NDRG1: variants seen among roughly 807,000 people sequenced by gnomAD.
NDRG1 encodes N-myc downstream regulated 1.
In NDRG1, 32 loss-of-function variants were observed where a neutral mutation model predicts 56.9. The ratio of observed to expected loss-of-function variants is 0.56; its 90% CI spans 0.42 to 0.76. NDRG1 has a LOEUF of 0.76. Among genes scored for constraint, NDRG1 ranks in the 30% least tolerant of loss-of-function variants. The pLI is 0.00. For synonymous variants in NDRG1, 211 were observed against 204.1 expected (o/e 1.03, Z -0.29); for missense variants, 507 against 545.7 (o/e 0.93, Z 0.71).
intron 3 of NDRG1, chr8:133,264,985 G>A (rs1856844764): frequency 2.6e-6 from 1 of 382,512 alleles, no homozygotes; most frequent in Non-Finnish European, 5.0e-6. Flanking sequence ...GCGCTTCCTT[G>A]CTTCCTTGCC....
rs1280673690 is a variant in NDRG1 at position 133,254,779 on chromosome 8, C to T, written c.538-184G>A. 7 of 656,222 alleles carry T rather than the reference C, an allele frequency of 1.1e-5. No individual in the cohort carries two copies. In the African/African-American group the frequency reaches 1.1e-4, roughly 10 times the overall value. The allele number at this position is 656,222 out of a possible 1,614,324, so 40.6% of individuals were successfully genotyped here. A position where few individuals can be genotyped will look rare whatever the true frequency, so the allele number is the denominator to read the frequency against. ...CTCCAGTTCCCTCCTGGACCTGATC[C>T]CCCAAATGCAGGGCCTGGGACTATA... On this transcript the variant is annotated intron_variant, in intron 8 of 15. Transcript: ENST00000323851.
intron 3 of NDRG1, among the ~76,000 whole-genome samples, chr8:133,275,682 T>C (rs984804178): frequency 6.6e-6 from 1 of 152,230 alleles, no homozygotes; most frequent in Non-Finnish European, 1.5e-5. Flanking sequence ...TGCTTGTTTG[T>C]ATGTTTGTTT....
intron 3 of NDRG1, among the ~76,000 whole-genome samples, chr8:133,279,266 C>G (rs1857642935): frequency 1.3e-5 from 2 of 152,156 alleles, no homozygotes; most frequent in South Asian, 2.1e-4. Context: ...AAATACACAC[C>G]TTGGTGGTGG....
intron 3 of NDRG1, among the ~76,000 whole-genome samples, chr8:133,266,744 C>T (rs1856940725): frequency 6.6e-6 from 1 of 152,184 alleles, no homozygotes; most frequent in Non-Finnish European, 1.5e-5. Context: ...ATGCCAGGTC[C>T]CCTTTGTCCC....
At position 133,242,071 on chromosome 8, in the gene NDRG1, C is replaced by T. The variant is rs1855416179; in HGVS notation, c.895G>A (p.Ala299Thr). 6.2e-7 allele frequency: 1 copy of T among 1,614,216 alleles called. No homozygotes were observed. Among genetic ancestry groups the T allele is most frequent in the Non-Finnish European group, 8.5e-7 (1 of 1,180,044 alleles). Residue 299 changes from alanine (A) to threonine (T), a missense_variant, in exon 15 of 16, where the codon GCC becomes ACC. By Grantham distance (58) the Ala-to-Thr change is moderately conservative. Transcript: ENST00000323851. ...CGGLPQISQP[A>T]KLAEAFKYFV... Reference sequence around the variant, plus strand: ...TACTTGAAGGCCTCAGCGAGCTTGGCCGGCTGCGAGAGACAAGGAGAGAAA... The same window carrying T: ...TACTTGAAGGCCTCAGCGAGCTTGGTCGGCTGCGAGAGACAAGGAGAGAAA...
At chr8:133,244,482 G>A (rs1855557832) in intron 13 of NDRG1, 92 bp from the exon 14 acceptor site, 9 of 1,445,124 alleles carry the variant, frequency 6.2e-6, no homozygotes, top group East Asian at 2.4e-5. Context: ...CCATCCGCCC[G>A]CTGCCCTGCC....
intron 9 of NDRG1, among the ~76,000 whole-genome samples, chr8:133,254,130 A>C (rs1856235541): frequency 6.6e-6 from 1 of 152,136 alleles, no homozygotes. Context: ...ATAAAATTCT[A>C]GGAATTGCAA....
rs559413636 is a variant in NDRG1, at chr8:133,259,831, C to G, written c.327-601G>C. ...GAGTCAACAGAAACAGGGGGTGTTA[C>G]TCATAACAAAGCCTATCGAAACAGA... On this transcript the variant is annotated intron_variant, in intron 5 of 15. Coordinates refer to ENST00000323851, the MANE Select transcript of NDRG1 (RefSeq NM_006096.4). Among the ~76,000 whole-genome samples, 112 of 152,278 alleles carry G rather than the reference C, an allele frequency of 7.4e-4. 1 individual carries two copies. Among genetic ancestry groups the G allele is most frequent in the Non-Finnish European group, 1.2e-3 (84 of 68,032 alleles).
chr8:133,265,571 T>C (rs1010680479), intron 3 of NDRG1, among the ~76,000 whole-genome samples: 5 of 152,222 alleles, frequency 3.3e-5, no homozygotes, highest in Admixed American at 6.5e-5. Flanking sequence ...GATGGTTCTC[T>C]GGGTCAAGGC....
Position 133,239,106 on chromosome 8 carries a change from G to A in NDRG1, c.957C>T (p.Ser319=). The A allele has an allele frequency of 5.1e-6, 8 of 1,558,450 alleles. No individual in the cohort carries two copies. Among genetic ancestry groups the A allele is most frequent in the Non-Finnish European group, 7.0e-6 (8 of 1,150,788 alleles). The change falls in exon 16 of 16, where the codon AGC becomes AGT. Residue 319 remains serine (S), a synonymous_variant. Coordinates refer to ENST00000323851, the MANE Select transcript of NDRG1 (RefSeq NM_006096.4). ...VQGMGYMPSA[S]MTRLMRSRTA... is the part of the protein sequence containing the mutation. ...TGCGGGACCGCATCAGGCGGGTCAT[G>A]CTAGCCGAGGGCACTAGGGGAACAA...
intron 10 of NDRG1, among the ~76,000 whole-genome samples, chr8:133,249,112 G>A (rs1855867294): frequency 6.6e-6 from 1 of 152,130 alleles, no homozygotes; most frequent in Admixed American, 6.5e-5. Flanking sequence ...CCTGACAGAG[G>A]GGCCACCTCC....
chr8:133,280,451 T>G (rs1346897801), intron 2 of NDRG1, among the ~76,000 whole-genome samples, 184 bp from the exon 3 acceptor site: 1 of 143,824 alleles, frequency 7.0e-6, no homozygotes, highest in Non-Finnish European at 1.5e-5. Flanking sequence ...TGAGACGGAG[T>G]CTTGCTCTGT....
chr8:133,269,703 G>C (rs976059127), intron 3 of NDRG1, among the ~76,000 whole-genome samples: 1 of 152,164 alleles, frequency 6.6e-6, no homozygotes, highest in African/African-American at 2.4e-5. Flanking sequence ...AAGAGGGGAA[G>C]GAAACCTTTC....
chr8:133,251,605 C>T (rs1856050818), intron 9 of NDRG1, among the ~76,000 whole-genome samples: 1 of 152,122 alleles, frequency 6.6e-6, no homozygotes, highest in African/African-American at 2.4e-5. Flanking sequence ...TGAATTTTTC[C>T]CAATTCCTAT....
At chr8:133,239,367 A>C in intron 15 of NDRG1, 1 of 626,936 alleles carries the variant, frequency 1.6e-6, no homozygotes, top group Non-Finnish European at 2.8e-6. Flanking sequence ...CTGGGTCTGA[A>C]CCCCAATTCT....
chr8:133,293,402 T>C (rs1281615375), intron 1 of NDRG1, among the ~76,000 whole-genome samples: 1 of 152,100 alleles, frequency 6.6e-6, no homozygotes, highest in Non-Finnish European at 1.5e-5. Context: ...AGCGCAATGT[T>C]GGAGGGTGGA....
chr8:133,241,657 C>A, intron 15 of NDRG1: 1 of 354,004 alleles, frequency 2.8e-6, no homozygotes, highest in Non-Finnish European at 5.3e-6. Flanking sequence ...TCATCGACAC[C>A]ATCTTCATCA....
chr8:133,246,225 T>A (rs1855670764), intron 13 of NDRG1, among the ~76,000 whole-genome samples: 2 of 152,220 alleles, frequency 1.3e-5, no homozygotes, highest in Admixed American at 1.3e-4. Context: ...CACCATGTGC[T>A]CAGATGAACT....
intron 1 of NDRG1, among the ~76,000 whole-genome samples, chr8:133,292,032 G>C (rs921533216): frequency 4.6e-5 from 7 of 152,182 alleles, no homozygotes; most frequent in Non-Finnish European, 8.8e-5. Context: ...GAGATTCTCA[G>C]TGGAGTTTTG....
Sources: gnomAD v4.1 joint callset for allele counts (sites outside exome capture counted in the v4.1 genomes callset) on GRCh38, gnomAD v4.1.1 for gene constraint, MANE v1.5 for transcripts, NCBI Gene and HGNC (gene_info 2026-07-23, HGNC 2026-07-21) for gene names.